Variants in LEMD1 observed in about 807,000 individuals in gnomAD.
The protein encoded by LEMD1 is LEM domain-containing protein 1.
In LEMD1, 18 loss-of-function variants were observed where a neutral mutation model predicts 17.4. The ratio of observed to expected loss-of-function variants is 1.04; its 90% confidence interval spans 0.72 to 1.54. The LOEUF (loss-of-function observed/expected upper bound fraction) is 1.54, where lower values mean the gene tolerates loss of function less well. Ranked by LOEUF, LEMD1 falls within the 40% of genes most tolerant of loss-of-function variation. LEMD1 has a pLI of 0.00. For missense variants in LEMD1, 195 were observed against 210.4 expected (o/e 0.93, Z 0.45); for synonymous variants, 88 against 77.8 (o/e 1.13, Z -0.69).
At chr1:205,438,571 G>C (rs1467697288) in intron 1 of LEMD1, among the ~76,000 whole-genome samples, 1 of 152,226 alleles carries the variant, frequency 6.6e-6, no homozygotes, top group African/African-American at 2.4e-5. Flanking sequence ...CCATTTTCCT[G>C]AGAAGGAAAC....
chr1:205,417,616 G>T (rs976765400), intron 3 of LEMD1, among the ~76,000 whole-genome samples: 3 of 151,638 alleles, frequency 2.0e-5, no homozygotes, highest in African/African-American at 7.3e-5. Context: ...CGTGCTAACT[G>T]CCTGCTCAAG....
At chr1:205,399,857 AGAAT>A (rs147270720) in intron 4 of LEMD1, among the ~76,000 whole-genome samples, 2,895 of 152,340 alleles carry the variant, frequency 0.019, 42 homozygotes, top group Middle Eastern at 0.031. Flanking sequence ...TTCTTACAGT[AGAAT>A]GCCAACTAAT....
chr1:205,394,632 G>C (rs1483486902), intron 4 of LEMD1, among the ~76,000 whole-genome samples: 1 of 152,052 alleles, frequency 6.6e-6, no homozygotes. Flanking sequence ...TGATCCACCC[G>C]CCTTGGCCTC....
At chr1:205,391,965 G>C (rs979948033) in intron 4 of LEMD1, among the ~76,000 whole-genome samples, 7 of 136,894 alleles carry the variant, frequency 5.1e-5, no homozygotes, top group Admixed American at 1.5e-4. Flanking sequence ...AAAAAAAAAA[G>C]CCGGGCATAG....
chr1:205,417,151 A>G (rs777240153), intron 3 of LEMD1, among the ~76,000 whole-genome samples: 2 of 152,218 alleles, frequency 1.3e-5, no homozygotes, highest in Non-Finnish European at 2.9e-5. Context: ...TTCAAACCTA[A>G]CTTGGAGAAC....
intron 4 of LEMD1, among the ~76,000 whole-genome samples, chr1:205,389,382 C>T (rs376844365): frequency 6.6e-6 from 1 of 152,158 alleles, no homozygotes; most frequent in East Asian, 1.9e-4. Flanking sequence ...TCTACCTTGA[C>T]TAGAGCCATC....
chr1:205,439,797 C>T (rs752062218), intron 1 of LEMD1, among the ~76,000 whole-genome samples: 5 of 152,110 alleles, frequency 3.3e-5, no homozygotes, highest in Non-Finnish European at 5.9e-5. Context: ...CTTCTAGCCC[C>T]GGAGAACTCC....
chr1:205,386,309 C>CTTTTT (rs10645710), intron 4 of LEMD1: 22 of 144,570 alleles, frequency 1.5e-4, no homozygotes, highest in East Asian at 4.1e-4. Flanking sequence ...GTGCCCCCTT[C>CTTTTT]TTTTTTTTTT....
chr1:205,429,633 A>G (rs907753234), intron 1 of LEMD1, among the ~76,000 whole-genome samples: 1 of 152,144 alleles, frequency 6.6e-6, no homozygotes, highest in South Asian at 2.1e-4. Context: ...GAGACCCCCA[A>G]ATGCAATCTA....
chr1:205,426,077 C>CT (rs1038169196), upstream of LEMD1, among the ~76,000 whole-genome samples: 12 of 152,166 alleles, frequency 7.9e-5, no homozygotes, highest in Non-Finnish European at 4.4e-5. Context: ...GAAGAGTACA[C>CT]TTAAAGGAAC....
At chr1:205,432,091 C>A (rs1575004000) in intron 1 of LEMD1, among the ~76,000 whole-genome samples, 1 of 152,112 alleles carries the variant, frequency 6.6e-6, no homozygotes, top group Non-Finnish European at 1.5e-5. Flanking sequence ...TGGGGTGTGA[C>A]AGATAACCAC....
chr1:205,428,502 C>T (rs1666084826), intron 1 of LEMD1, among the ~76,000 whole-genome samples: 1 of 152,132 alleles, frequency 6.6e-6, no homozygotes, highest in Admixed American at 6.5e-5. Flanking sequence ...GGTTCCTGCC[C>T]TCCTGAAGCG....
intron 4 of LEMD1, among the ~76,000 whole-genome samples, chr1:205,406,119 G>T (rs1290426410): frequency 1.3e-5 from 2 of 152,232 alleles, no homozygotes; most frequent in Non-Finnish European, 2.9e-5. Context: ...CCCTACTGGG[G>T]GGTGCCTCCC....
chr1:205,393,669 C>T (rs1664447210), intron 4 of LEMD1, among the ~76,000 whole-genome samples: 2 of 55,308 alleles, frequency 3.6e-5, no homozygotes, highest in Non-Finnish European at 7.7e-5. Context: ...GAGAGAGACT[C>T]TGTCTTAAAA....
intron 4 of LEMD1, among the ~76,000 whole-genome samples, chr1:205,412,346 A>C (rs1665490570): frequency 6.6e-6 from 1 of 151,952 alleles, no homozygotes; most frequent in Admixed American, 6.5e-5. Context: ...AAAAAATTTG[A>C]CCTGGCTTAA....
chr1:205,427,556 C>A (rs1342612080), intron 1 of LEMD1, among the ~76,000 whole-genome samples: 1 of 152,044 alleles, frequency 6.6e-6, no homozygotes, highest in African/African-American at 2.4e-5. Context: ...TGGGTTTTCA[C>A]CGCAGTACAC....
intron 1 of LEMD1, among the ~76,000 whole-genome samples, chr1:205,438,084 G>A (rs1361469058): frequency 6.6e-6 from 1 of 152,202 alleles, no homozygotes; most frequent in Non-Finnish European, 1.5e-5. Flanking sequence ...CAGGGTCCTA[G>A]GCAACACTCA....
intron 4 of LEMD1, among the ~76,000 whole-genome samples, chr1:205,410,651 C>A (rs774593302): frequency 1.3e-5 from 2 of 152,120 alleles, no homozygotes; most frequent in Non-Finnish European, 1.5e-5. Flanking sequence ...GGGTTTTCAC[C>A]TTCAACATTT....
At chr1:205,400,686 C>CT (rs968759135) in intron 4 of LEMD1, among the ~76,000 whole-genome samples, 9 of 150,870 alleles carry the variant, frequency 6.0e-5, no homozygotes, top group East Asian at 5.8e-4. Flanking sequence ...GTATTTTTGT[C>CT]TTTTTTTTTC....
Sources: allele counts gnomAD v4.1 joint callset (sites outside exome capture counted in the v4.1 genomes callset), GRCh38; gene constraint gnomAD v4.1.1; transcripts MANE v1.5; gene names NCBI Gene and HGNC (gene_info 2026-07-23, HGNC 2026-07-21).